The following KIF1B variants were observed in gnomAD, a reference collection of about 807,000 sequenced individuals.
KIF1B encodes kinesin-like protein KIF1B.
A neutral mutation model predicts 241.9 loss-of-function variants in KIF1B; 76 were observed. The ratio of observed to expected loss-of-function variants is 0.31; its 90% CI spans 0.26 to 0.38. The LOEUF is 0.38. KIF1B is among the 10% of genes least tolerant of loss of function. The probability of loss-of-function intolerance (pLI) is 1.00; values close to 1 mark genes in which losing one functional copy is unlikely to be tolerated. For missense variants in KIF1B, 1,622 were observed against 2,271.4 expected (o/e 0.71, Z 5.81); for synonymous variants, 750 against 796.7 (o/e 0.94, Z 0.99).
At chr1:10,291,039 T>C (rs1477886933) in intron 15 of KIF1B, 43 bp from the exon 16 acceptor site, 5 of 1,480,906 alleles carry the variant, frequency 3.4e-6, no homozygotes, top group Middle Eastern at 1.7e-4. Flanking sequence ...TATGTTAAAT[T>C]ATAAGACTCT....
intron 12 of KIF1B, among the ~76,000 whole-genome samples, chr1:10,277,330 G>GT (rs976474271): frequency 1.3e-5 from 2 of 151,400 alleles, no homozygotes; most frequent in Non-Finnish European, 2.9e-5. Flanking sequence ...TTCATAAAAA[G>GT]TTTTTTTTGT....
chr1:10,234,990 A>G (rs946625042), intron 2 of KIF1B, among the ~76,000 whole-genome samples: 26 of 151,782 alleles, frequency 1.7e-4, no homozygotes, highest in African/African-American at 4.1e-4. Flanking sequence ...CTCGGGTTCA[A>G]GCGATTCTTC....
At chr1:10,332,762 G>A (rs1313301944) in intron 27 of KIF1B, among the ~76,000 whole-genome samples, 1 of 150,530 alleles carries the variant, frequency 6.6e-6, no homozygotes, top group Non-Finnish European at 1.5e-5. Flanking sequence ...TGATCGGCCC[G>A]CCTCGGCCTC....
chr1:10,368,670 T>C, intron 44 of KIF1B, 132 bp downstream of exon 44: 1 of 760,724 alleles, frequency 1.3e-6, no homozygotes, highest in South Asian at 1.4e-5. Flanking sequence ...ATTTGAAAAT[T>C]TATGACATAC....
chr1:10,332,985 T>G (rs1038357298), intron 27 of KIF1B, among the ~76,000 whole-genome samples: 7 of 151,436 alleles, frequency 4.6e-5, no homozygotes, highest in Non-Finnish European at 1.0e-4. Flanking sequence ...CTGATTTTTA[T>G]ATTTTTAGTA....
In KIF1B at chr1:10,232,380, C is replaced by G; in HGVS notation, c.52C>G (p.Arg18Gly). The stretch of plus-strand genomic sequence containing the variant: ...TGTCCGGGTAAGGCCCTTCAATTCT[C>G]GAGAGACCAGCAAGGAATCCAAATG... ...VAVRVRPFNS[R>G]ETSKESKCII... The change falls in exon 2 of 49, where the codon CGA (arginine) becomes GGA (glycine). Residue 18 changes from arginine (R) to glycine (G), a missense_variant. Coordinates refer to ENST00000676179, the MANE Select transcript of KIF1B (RefSeq NM_001365951.3). 1 of 1,614,018 alleles carries G rather than the reference C, an allele frequency of 6.2e-7. No individual in the cohort carries two copies. Among genetic ancestry groups the G allele is most frequent in the Non-Finnish European group, 8.5e-7 (1 of 1,179,984 alleles).
At chr1:10,276,293 A>G in intron 11 of KIF1B, 28 bp from the exon 12 acceptor site, 1 of 1,541,754 alleles carries the variant, frequency 6.5e-7, no homozygotes, top group Non-Finnish European at 9.0e-7. Flanking sequence ...AATGAGTGTG[A>G]TTTGATACTC....
chr1:10,368,630 T>A, intron 44 of KIF1B, 92 bp downstream of exon 44: 1 of 1,044,330 alleles, frequency 9.6e-7, no homozygotes, highest in Non-Finnish European at 1.5e-6. Context: ...TTTGCTGCTT[T>A]TAAGCAACTT....
At chr1:10,368,318 T>C (rs1569915538) in intron 43 of KIF1B, 149 bp from the exon 44 acceptor site, 3 of 698,612 alleles carry the variant, frequency 4.3e-6, no homozygotes, top group East Asian at 2.7e-5. Flanking sequence ...GAACGGCAGA[T>C]GGACGAATGC....
intron 36 of KIF1B, 79 bp from the exon 37 acceptor site, chr1:10,348,570 C>G: frequency 9.7e-7 from 1 of 1,029,710 alleles, no homozygotes; most frequent in Non-Finnish European, 1.5e-6. Flanking sequence ...CCATGCCATG[C>G]CATACAGGCC....
chr1:10,363,564 G>A (rs1425472222), intron 41 of KIF1B, among the ~76,000 whole-genome samples: 6 of 151,748 alleles, frequency 4.0e-5, no homozygotes, highest in Admixed American at 1.3e-4. Context: ...GTGGTGGCGC[G>A]TGCCTGTAAT....
At chr1:10,262,044 A>G in intron 5 of KIF1B, 74 bp downstream of exon 5, 1 of 984,880 alleles carries the variant, frequency 1.0e-6, no homozygotes, top group East Asian at 2.4e-5. Context: ...ATGGCTCCAA[A>G]TTATGACTGT....
intron 45 of KIF1B, among the ~76,000 whole-genome samples, chr1:10,372,601 C>T (rs1274403869): frequency 6.9e-6 from 1 of 145,218 alleles, no homozygotes; most frequent in African/African-American, 2.5e-5. Context: ...TTGGTTGAAC[C>T]TGGGAGGCGG....
intron 22 of KIF1B, among the ~76,000 whole-genome samples, chr1:10,310,796 C>T (rs1245386484): frequency 6.6e-6 from 1 of 151,428 alleles, no homozygotes; most frequent in Non-Finnish European, 1.5e-5. Context: ...TGAGTCAGTA[C>T]ATTTGTGACA....
chr1:10,360,974 C>T lies in KIF1B; in HGVS notation c.4101C>T (p.Asn1367=), dbSNP rs1638406433. ...CTGTGTGGGATAGCTCTCTGCATAA[C>T]TCCCTTCTTCTGAACCGAGTGACAC... ...FEAVWDSSLH[N]SLLLNRVTPY... Residue 1367 remains asparagine, a synonymous_variant, in exon 39 of 49, where the codon AAC becomes AAT. Transcript: ENST00000676179. 2.5e-6 allele frequency: 4 copies of T among 1,614,042 alleles called. No homozygotes were observed. Among genetic ancestry groups the T allele is most frequent in the Non-Finnish European group, 8.5e-7 (1 of 1,180,006 alleles).
Position 10,358,683 on chromosome 1 carries a change from CAAAA to C in KIF1B, c.4056-2231_4056-2228del, listed in dbSNP as rs767246662. ...GGGTGACAAAAGCAAGACTCTGTCTCAAAAAAAAAAAAAAAAAACAGATCTCACA... is the reference window on the plus strand; with the variant it reads ...GGGTGACAAAAGCAAGACTCTGTCTCAAAAAAAAAAAAAACAGATCTCACA... On this transcript the variant is annotated intron_variant, in intron 38 of 48. Coordinates refer to ENST00000676179, the MANE Select transcript of KIF1B (RefSeq NM_001365951.3). Among the ~76,000 whole-genome samples, 22 of 79,296 alleles carry C rather than the reference CAAAA, an allele frequency of 2.8e-4. No individual in the cohort carries two copies. The East Asian group carries it at 0.01, about 37-fold the overall frequency. 52.0% of individuals were successfully genotyped at this position (79,296 alleles called of 152,430 possible). A position where few individuals can be genotyped will look rare whatever the true frequency, so the allele number is the denominator to read the frequency against.
Position 10,232,252 on chromosome 1 carries a change from A to C in KIF1B, c.-77A>C. 8.7e-7 allele frequency: 1 copy of C among 1,153,262 alleles called. No individual in the cohort carries two copies. Among genetic ancestry groups the C allele is most frequent in the Admixed American group, 2.0e-5 (1 of 50,386 alleles). 71.4% of individuals were successfully genotyped at this position (1,153,262 alleles called of 1,614,324 possible). A position where few individuals can be genotyped will look rare whatever the true frequency, so the allele number is the denominator to read the frequency against. On this transcript the variant is annotated splice_region_variant and 5_prime_UTR_variant, in exon 2 of 49. Transcript: ENST00000676179. ...ATGGAATTTTTTTCTTTTCAAAGGAAACTTGGCTGTAACTTCAAAAGAAGA... is the reference window on the plus strand; with the variant it reads ...ATGGAATTTTTTTCTTTTCAAAGGACACTTGGCTGTAACTTCAAAAGAAGA...
chr1:10,220,713 A>T (rs547140123), intron 1 of KIF1B, among the ~76,000 whole-genome samples: 41 of 152,160 alleles, frequency 2.7e-4, no homozygotes, highest in Non-Finnish European at 3.7e-4. Flanking sequence ...CCCAGGCTGT[A>T]GCGCAATGGT....
At chr1:10,331,753 G>A (rs535513586) in intron 27 of KIF1B, among the ~76,000 whole-genome samples, 3 of 152,232 alleles carry the variant, frequency 2.0e-5, no homozygotes, top group Non-Finnish European at 2.9e-5. Flanking sequence ...TCTTATGTTC[G>A]AAGATCAGCA....
Sources: allele counts gnomAD v4.1 joint callset (sites outside exome capture counted in the v4.1 genomes callset), GRCh38; gene constraint gnomAD v4.1.1; transcripts MANE v1.5; gene names NCBI Gene and HGNC (gene_info 2026-07-23, HGNC 2026-07-21).